ECI2: variants seen among roughly 807,000 people sequenced by gnomAD.
ECI2 encodes enoyl-CoA delta isomerase 2.
Under a neutral mutation model 38.4 loss-of-function variants are expected in ECI2, and 27 were observed. The ratio of observed to expected loss-of-function variants is 0.70; its 90% CI spans 0.52 to 0.97. The LOEUF is 0.97. Ranked by LOEUF, ECI2 falls within the 50% of genes least tolerant of loss-of-function variation. The pLI, the probability that ECI2 is intolerant of heterozygous loss-of-function variation, is 0.00. For synonymous variants in ECI2, 168 were observed against 172.0 expected (o/e 0.98, Z 0.18); for missense variants, 470 against 474.4 (o/e 0.99, Z 0.09).
At chr6:4,117,531 A>C in intron 8 of ECI2, 80 bp from the exon 9 acceptor site, 1 of 1,545,674 alleles carries the variant, frequency 6.5e-7, no homozygotes, top group Non-Finnish European at 8.7e-7. Context: ...CAGGAGGCTT[A>C]GAGAGATGTA....
At chr6:4,121,824 TTG>T in intron 7 of ECI2, 1 of 395,258 alleles carries the variant, frequency 2.5e-6, no homozygotes, top group Non-Finnish European at 4.6e-6. Context: ...AGACACGCTG[TTG>T]TTTTTACTAT....
rs751842552 is a variant in ECI2, at chr6:4,126,203, C to T, written c.606G>A (p.Leu202=). The change falls in exon 6 of 10, where the codon CTG becomes CTA. Residue 202 remains leucine, a synonymous_variant. Transcript: ENST00000380118. ...CAGGGGGAATATCAGTGAAGTTAGT[C>T]AGATCATTCCCACTACTGTAATAGT... The part of the protein sequence containing the change: ...NGDYYSSGND[L]TNFTDIPPGG... 6.2e-7 allele frequency: 1 copy of T among 1,613,646 alleles called. No homozygotes were observed. Among genetic ancestry groups the T allele is most frequent in the Non-Finnish European group, 8.5e-7 (1 of 1,179,920 alleles).
chr6:4,124,245 T>G lies in ECI2; in HGVS notation c.795+1005A>C, dbSNP rs77185450. ...TGGCACCTAGAATCTCATTTGCTAA[T>G]TTTGTGGGAAAATTATTCATAAGAA... On this transcript the variant is annotated intron_variant, in intron 7 of 9. Coordinates refer to ENST00000380118, the MANE Select transcript of ECI2 (RefSeq NM_206836.3). Among the ~76,000 whole-genome samples the G allele has an allele frequency of 6.0e-3, 919 of 152,354 alleles. 37 individuals are homozygous for G. Among genetic ancestry groups the G allele is most frequent in the Admixed American group, 0.049 (750 of 15,302 alleles).
chr6:4,129,886 C>T (rs1298952728), intron 4 of ECI2, among the ~76,000 whole-genome samples: 1 of 151,950 alleles, frequency 6.6e-6, no homozygotes, highest in Non-Finnish European at 1.5e-5. Context: ...GATTCAAAGA[C>T]TAACGTTACC....
chr6:4,130,237 A>C, intron 4 of ECI2, 135 bp downstream of exon 4: 1 of 1,613,666 alleles, frequency 6.2e-7, no homozygotes, highest in Non-Finnish European at 8.5e-7. Flanking sequence ...AGTAGCCACA[A>C]TTACCAACCT....
chr6:4,122,035 G>A (rs886886196), intron 7 of ECI2: 3 of 1,596,456 alleles, frequency 1.9e-6, no homozygotes, highest in Admixed American at 1.7e-5. Context: ...ACAGCTAAAG[G>A]GACACAAACA....
At position 4,117,378 on chromosome 6, in the gene ECI2, A is replaced by ATGTG; in HGVS notation, c.958_959insCACA (p.Val320AlafsTer5). The ATGTG allele has an allele frequency of 1.2e-6, 2 of 1,614,074 alleles. No individual in the cohort carries two copies. Among genetic ancestry groups the ATGTG allele is most frequent in the African/African-American group, 2.7e-5 (2 of 75,042 alleles). The stretch of plus-strand genomic sequence containing the variant: ...TTTCTGAAAAGTGCTATCAGGGAAA[A>ATGTG]CTTCAGTAACAAGTCCTTGAGCACA... On this transcript the variant is annotated frameshift_variant, in exon 9 of 10. Coordinates refer to ENST00000380118, the MANE Select transcript of ECI2 (RefSeq NM_206836.3). LOFTEE classifies it high-confidence loss of function.
chr6:4,132,477 G>A (rs1390546523), intron 2 of ECI2, among the ~76,000 whole-genome samples: 1 of 151,912 alleles, frequency 6.6e-6, no homozygotes, highest in Non-Finnish European at 1.5e-5. Flanking sequence ...AGAAGCTGAG[G>A]GCAAAGCCAC....
intron 7 of ECI2, among the ~76,000 whole-genome samples, chr6:4,124,393 A>G (rs1460044240): frequency 6.6e-6 from 1 of 152,216 alleles, no homozygotes; most frequent in Non-Finnish European, 1.5e-5. Context: ...ACAAAACTAG[A>G]AATCTCTTCA....
intron 7 of ECI2, 79 bp from the exon 8 acceptor site, chr6:4,119,354 T>A: frequency 8.6e-7 from 1 of 1,167,594 alleles, no homozygotes; most frequent in Non-Finnish European, 1.2e-6. Flanking sequence ...AGGGTTTCGC[T>A]CTTTTGCCCA....
chr6:4,126,505 C>A (rs1773168347), intron 5 of ECI2, among the ~76,000 whole-genome samples: 1 of 152,136 alleles, frequency 6.6e-6, no homozygotes, highest in Admixed American at 6.5e-5. Context: ...TCAGGGAGTT[C>A]AGGAAAGAAC....
At chr6:4,129,682 C>T (rs1773400525) in intron 4 of ECI2, among the ~76,000 whole-genome samples, 1 of 152,132 alleles carries the variant, frequency 6.6e-6, no homozygotes, top group Non-Finnish European at 1.5e-5. Context: ...ACATATCCTA[C>T]TTCATGAAAT....
At chr6:4,126,054 T>C (rs1581982916) in intron 6 of ECI2, 81 bp downstream of exon 6, 21 of 1,091,894 alleles carry the variant, frequency 1.9e-5, no homozygotes, top group Non-Finnish European at 2.8e-5. Flanking sequence ...GAAGCAGATA[T>C]TGCACTTTTG....
rs1017145914 is a variant in ECI2, at chr6:4,128,748, TATA to T, written c.502-920_502-918del. On this transcript the variant is annotated intron_variant, in intron 4 of 9. Coordinates refer to ENST00000380118, the MANE Select transcript of ECI2 (RefSeq NM_206836.3). The stretch of plus-strand genomic sequence containing the variant: ...ATAGCATTTACATTGTATTCAGTAT[TATA>T]ATAACTCTAGAGATGATTTAAAGTA... Among the ~76,000 whole-genome samples, 116 of 152,350 alleles carry T rather than the reference TATA, an allele frequency of 7.6e-4. 1 individual carries two copies. The highest frequency in any genetic ancestry group is 7.4e-3 in the Admixed American group (113 of 15,300).
intron 7 of ECI2, 141 bp downstream of exon 7, chr6:4,125,109 G>T: frequency 7.2e-7 from 1 of 1,389,860 alleles, no homozygotes; most frequent in Non-Finnish European, 9.9e-7. Flanking sequence ...TCAGCCTAAT[G>T]CTTTGGGAAA....
intron 5 of ECI2, 55 bp downstream of exon 5, chr6:4,127,707 T>A (rs1773262119): frequency 6.4e-7 from 1 of 1,574,594 alleles, no homozygotes; most frequent in African/African-American, 1.4e-5. Flanking sequence ...TTCCTATCTA[T>A]TAAGAGGCCC....
In ECI2 at chr6:4,117,426, T is replaced by G; in HGVS notation, c.911A>C (p.Lys304Thr). The G allele has an allele frequency of 6.2e-7, 1 of 1,613,268 alleles. No homozygotes were observed. The highest frequency in any genetic ancestry group is 8.5e-7 in the Non-Finnish European group (1 of 1,179,814). ...AKATEMLIFG[K>T]KLTAGEACAQ... ...ACATGCCTCTCCCGCTGTTAACTTC[T>G]TTCCAAAAATAAGCATCTCTGTTGC... The change falls in exon 9 of 10, where the codon AAG (lysine) becomes ACG (threonine). Residue 304 changes from lysine to threonine, a missense_variant. Physicochemically the swap from Lys to Thr is moderately conservative, Grantham distance 78. Coordinates refer to ENST00000380118, the MANE Select transcript of ECI2 (RefSeq NM_206836.3).
At chr6:4,134,440 G>A (rs1164145045) in intron 1 of ECI2, among the ~76,000 whole-genome samples, 2 of 152,178 alleles carry the variant, frequency 1.3e-5, no homozygotes, top group East Asian at 1.9e-4. Context: ...ACGTTTTTAA[G>A]CACACATAGT....
intron 7 of ECI2, among the ~76,000 whole-genome samples, chr6:4,120,006 C>T (rs550792968): frequency 1.6e-4 from 24 of 152,248 alleles, no homozygotes; most frequent in African/African-American, 5.8e-4. Flanking sequence ...GTTTGTTCCT[C>T]GCTATTTCTG....
Sources: allele counts gnomAD v4.1 joint callset (sites outside exome capture counted in the v4.1 genomes callset), GRCh38; gene constraint gnomAD v4.1.1; transcripts MANE v1.5; gene names NCBI Gene and HGNC (gene_info 2026-07-23, HGNC 2026-07-21).